The following PCDHGB3 variants were observed in gnomAD, a reference collection of about 807,000 sequenced individuals.
PCDHGB3 encodes protocadherin gamma-B3.
In PCDHGB3, 40 loss-of-function variants were observed where a neutral mutation model predicts 59.2. That is an observed-to-expected ratio of 0.68 (90% CI 0.52 to 0.88). PCDHGB3 has a LOEUF of 0.88. PCDHGB3 is among the 40% of genes least tolerant of loss of function. The probability of loss-of-function intolerance (pLI) is 0.00; values close to 1 mark genes in which losing one functional copy is unlikely to be tolerated. For missense variants in PCDHGB3, 1,309 were observed against 1,187.9 expected (o/e 1.10, Z -1.50); for synonymous variants, 581 against 503.6 (o/e 1.15, Z -2.06).
chr5:141,405,261 T>TC, intron 1 of PCDHGB3: 1 of 1,613,852 alleles, frequency 6.2e-7, no homozygotes. Context: ...CACCTGATCT[T>TC]CCCCCAGCCC....
In PCDHGB3 at chr5:141,500,954, C is replaced by T. The variant is rs536993707; in HGVS notation, c.2475-4439C>T. On this transcript the variant is annotated intron_variant, in intron 2 of 3. Coordinates refer to ENST00000576222, the MANE Select transcript of PCDHGB3 (RefSeq NM_018924.5). Reference sequence around the variant, plus strand: ...CGCCATCTCGGCTCACTGCAAGCTCCACCTCCTGGGTTCAAGCAATTCTCC... The same window carrying T: ...CGCCATCTCGGCTCACTGCAAGCTCTACCTCCTGGGTTCAAGCAATTCTCC... Among the ~76,000 whole-genome samples the T allele has an allele frequency of 2.4e-3, 358 of 152,060 alleles. 1 individual carries two copies. The highest frequency in any genetic ancestry group is 4.1e-3 in the Admixed American group (63 of 15,282).
chr5:141,497,540 CTTT>C (rs754207034), intron 2 of PCDHGB3, among the ~76,000 whole-genome samples: 11 of 134,886 alleles, frequency 8.2e-5, no homozygotes, highest in African/African-American at 1.9e-4. Context: ...TGCAACAAAC[CTTT>C]TTTTTTTTTT....
intron 1 of PCDHGB3, among the ~76,000 whole-genome samples, chr5:141,435,395 C>T (rs946113643): frequency 5.3e-5 from 8 of 152,198 alleles, no homozygotes; most frequent in East Asian, 3.9e-4. Context: ...ATTGCCATGA[C>T]GAAAAATGGT....
chr5:141,382,310 C>T (rs1423976376), intron 1 of PCDHGB3, among the ~76,000 whole-genome samples: 1 of 152,178 alleles, frequency 6.6e-6, no homozygotes, highest in African/African-American at 2.4e-5. Flanking sequence ...AATTTATATA[C>T]ACTGATGTAA....
chr5:141,390,358 G>A lies in PCDHGB3; in HGVS notation c.2415+17549G>A, dbSNP rs934109377. ...TATTCACAAGAAAATATACATATTT[G>A]CAGGAAAATATATAATTTTTAGATG... is the stretch of plus-strand genomic sequence containing the variant. On this transcript the variant is annotated intron_variant, in intron 1 of 3. Coordinates refer to ENST00000576222, the MANE Select transcript of PCDHGB3 (RefSeq NM_018924.5). The A allele has an allele frequency of 3.9e-6, 6 of 1,540,796 alleles. No homozygotes were observed. In the African/African-American group the frequency reaches 8.3e-5, roughly 21 times the overall value.
rs2099746025 is a variant in PCDHGB3 at position 141,493,066 on chromosome 5, T to C, written c.2416-1741T>C. On this transcript the variant is annotated intron_variant, in intron 1 of 3. Coordinates refer to ENST00000576222, the MANE Select transcript of PCDHGB3 (RefSeq NM_018924.5). This position sits in a 1 kb window ranked among gnomAD's most constrained non-coding sequence, Gnocchi z 4.3. ...AACTACAATAGTAAAAAACACAAGT[T>C]TCTCCAACTCCAGGAGCTTTTATTC... Among the ~76,000 whole-genome samples the C allele has an allele frequency of 6.6e-6, 1 of 152,202 alleles. No homozygotes were observed. Among genetic ancestry groups the C allele is most frequent in the East Asian group, 1.9e-4 (1 of 5,194 alleles).
chr5:141,428,307 C>A, intron 1 of PCDHGB3: 1 of 688,030 alleles, frequency 1.5e-6, no homozygotes, highest in South Asian at 1.6e-5. Flanking sequence ...TTTACCTGGT[C>A]GTGGCCTTGG....
intron 1 of PCDHGB3, chr5:141,374,687 C>G (rs1443411888): frequency 6.2e-7 from 1 of 1,609,446 alleles, no homozygotes; most frequent in African/African-American, 1.3e-5. Context: ...CACACTGGAC[C>G]GGGAAGGAGA....
At chr5:141,384,442 T>G in intron 1 of PCDHGB3, 15 of 1,614,046 alleles carry the variant, frequency 9.3e-6, no homozygotes, top group Non-Finnish European at 1.3e-5. Context: ...TGGAGTCCTG[T>G]ACGCGCTGCA....
At chr5:141,393,792 C>A (rs757880855) in intron 1 of PCDHGB3, 1 of 1,613,908 alleles carries the variant, frequency 6.2e-7, no homozygotes, top group Non-Finnish European at 8.5e-7. Flanking sequence ...TGTGGGGGCA[C>A]TTCTGGGGAG....
At chr5:141,409,531 T>C (rs2095279232) in intron 1 of PCDHGB3, 1 of 1,613,870 alleles carries the variant, frequency 6.2e-7, no homozygotes, top group Non-Finnish European at 8.5e-7. Context: ...TGTATGTCGC[T>C]GACATCAACG....
chr5:141,485,641 G>T lies in PCDHGB3; in HGVS notation c.2416-9166G>T. The T allele has an allele frequency of 6.2e-7, 1 of 1,612,012 alleles. No individual in the cohort carries two copies. Among genetic ancestry groups the T allele is most frequent in the Non-Finnish European group, 8.5e-7 (1 of 1,178,470 alleles). On this transcript the variant is annotated intron_variant, in intron 1 of 3. Transcript: ENST00000576222. The surrounding 1 kb of genome is among the most constrained non-coding windows in gnomAD (Gnocchi z 5.7). Reference sequence around the variant, plus strand: ...CAGGACAGCGTTTCCCGTTGGAAAAGGCTCAGGATGCAGATGTGGGGAGCA... The same window carrying T: ...CAGGACAGCGTTTCCCGTTGGAAAATGCTCAGGATGCAGATGTGGGGAGCA...
intron 1 of PCDHGB3, chr5:141,399,754 A>G: frequency 6.2e-7 from 1 of 1,613,326 alleles, no homozygotes; most frequent in Non-Finnish European, 8.5e-7. Flanking sequence ...CGCAAACGTG[A>G]GCCTGCGCGT....
rs918888643 is a variant in PCDHGB3 at position 141,370,906 on chromosome 5, A to C, written c.512A>C (p.Tyr171Ser). 9.3e-6 allele frequency: 15 copies of C among 1,613,840 alleles called. No individual in the cohort carries two copies. Among genetic ancestry groups the C allele is most frequent in the Non-Finnish European group, 1.3e-5 (15 of 1,179,874 alleles). The change falls in exon 1 of 4, where the codon TAC (tyrosine) becomes TCC (serine). Residue 171 changes from tyrosine to serine, a missense_variant. Coordinates refer to ENST00000576222, the MANE Select transcript of PCDHGB3 (RefSeq NM_018924.5). ...GGTGTCAATTCGCTGCAGCAGTACT[A>C]CCTCAGCCCTGATCCGCACTTCTCT... ...DVGVNSLQQY[Y>S]LSPDPHFSLI...
At chr5:141,395,389 G>A in intron 1 of PCDHGB3, 1 of 986,786 alleles carries the variant, frequency 1.0e-6, no homozygotes, top group South Asian at 1.8e-5. Context: ...CTATAAAATT[G>A]AACTCTAATA....
rs192677983 is a variant in PCDHGB3 at position 141,457,339 on chromosome 5, A to G, written c.2416-37468A>G. On this transcript the variant is annotated intron_variant, in intron 1 of 3. Transcript: ENST00000576222. The stretch of plus-strand genomic sequence containing the variant: ...CCTCCGGGTTACAGGTACCTTACTT[A>G]CTTTCATTACCTGGCACAATTTGCA... Among the ~76,000 whole-genome samples the G allele has an allele frequency of 3.1e-4, 47 of 152,268 alleles. No individual in the cohort carries two copies. The South Asian group carries it at 3.3e-3, about 11-fold the overall frequency.
At chr5:141,423,707 G>A in intron 1 of PCDHGB3, 1 of 1,164,238 alleles carries the variant, frequency 8.6e-7, no homozygotes, top group Non-Finnish European at 1.1e-6. Flanking sequence ...CTTGGCACAA[G>A]TCTTTTAAGG....
intron 1 of PCDHGB3, chr5:141,428,210 A>T: frequency 7.7e-7 from 1 of 1,293,350 alleles, no homozygotes; most frequent in Non-Finnish European, 1.1e-6. Flanking sequence ...GCTACGCTTC[A>T]CCTAGTCTTC....
intron 1 of PCDHGB3, chr5:141,384,394 G>C (rs1252206948): frequency 1.2e-6 from 2 of 1,613,814 alleles, no homozygotes; most frequent in Non-Finnish European, 1.7e-6. Context: ...CATCCAGGGG[G>C]CTCCAGTGTC....
Sources: allele counts gnomAD v4.1 joint callset (sites outside exome capture counted in the v4.1 genomes callset), GRCh38; gene constraint gnomAD v4.1.1; non-coding constraint Gnocchi (gnomAD v3.1); transcripts MANE v1.5; gene names NCBI Gene and HGNC (gene_info 2026-07-23, HGNC 2026-07-21).